The following ZBTB7C variants were observed in gnomAD, a reference collection of about 807,000 sequenced individuals.
ZBTB7C encodes zinc finger and BTB domain containing 7C, also known as zinc finger and BTB domain-containing protein 7C.
A neutral mutation model predicts 25.7 loss-of-function variants in ZBTB7C; 8 were observed. The observed-to-expected ratio is 0.31, with a 90% confidence interval of 0.18 to 0.56. The LOEUF is 0.56. Ranked by LOEUF, ZBTB7C falls within the 20% of genes least tolerant of loss-of-function variation. The pLI is 0.91. For synonymous variants in ZBTB7C, 394 were observed against 369.0 expected, an observed-to-expected ratio of 1.07 and a Z score of -0.78; for missense variants, 824 against 855.2, an observed-to-expected ratio of 0.96 and a Z score of 0.46.
At chr18:48,274,027 T>A (rs1414216656) in intron 2 of ZBTB7C, among the ~76,000 whole-genome samples, 1 of 152,196 alleles carries the variant, frequency 6.6e-6, no homozygotes, top group Non-Finnish European at 1.5e-5. Flanking sequence ...TTTGGTAAAG[T>A]TCATAGCATG....
At chr18:48,312,747 AGCCCAGCT>A in intron 2 of ZBTB7C, among the ~76,000 whole-genome samples, 1 of 152,198 alleles carries the variant, frequency 6.6e-6, no homozygotes, top group Non-Finnish European at 1.5e-5. Flanking sequence ...TGTCCCTAGA[AGCCCAGCT>A]GTCCCAGGCT....
chr18:48,361,360 A>G (rs1250820319), intron 1 of ZBTB7C, among the ~76,000 whole-genome samples: 1 of 152,186 alleles, frequency 6.6e-6, no homozygotes, highest in Non-Finnish European at 1.5e-5. Flanking sequence ...GAGTTCAGAG[A>G]GGGTAGGTAG....
chr18:48,226,675 G>A (rs1289423264), intron 2 of ZBTB7C, among the ~76,000 whole-genome samples: 1 of 152,216 alleles, frequency 6.6e-6, no homozygotes, highest in Admixed American at 6.5e-5. Context: ...CTGACAGCAT[G>A]ACTCTCTGGC....
chr18:48,037,236 C>T (rs2036011661), intron 4 of ZBTB7C, among the ~76,000 whole-genome samples: 1 of 152,238 alleles, frequency 6.6e-6, no homozygotes, highest in Non-Finnish European at 1.5e-5. Context: ...GCAGCTTCAG[C>T]TGGAGACAGG....
chr18:48,222,722 A>G (rs2042993174), intron 2 of ZBTB7C, among the ~76,000 whole-genome samples: 1 of 152,132 alleles, frequency 6.6e-6, no homozygotes, highest in Non-Finnish European at 1.5e-5. Context: ...TGTATGTATG[A>G]CTGATATGAG....
At chr18:48,343,557 T>A (rs2046654524) in intron 1 of ZBTB7C, among the ~76,000 whole-genome samples, 1 of 152,248 alleles carries the variant, frequency 6.6e-6, no homozygotes. Flanking sequence ...TTAAGAAATG[T>A]GGGCTCTGGA....
At chr18:48,038,947 C>A (rs1346667906) in intron 4 of ZBTB7C, among the ~76,000 whole-genome samples, 1 of 152,158 alleles carries the variant, frequency 6.6e-6, no homozygotes, top group African/African-American at 2.4e-5. Flanking sequence ...CACCAGGAAC[C>A]AGAGATAGCA....
At chr18:48,048,719 T>C (rs2036566885) in intron 3 of ZBTB7C, among the ~76,000 whole-genome samples, 1 of 152,118 alleles carries the variant, frequency 6.6e-6, no homozygotes, top group South Asian at 2.1e-4. Context: ...AGAAACCAAT[T>C]TGCCTTCTGC....
At chr18:48,182,296 G>A (rs1301906627) in intron 3 of ZBTB7C, among the ~76,000 whole-genome samples, 1 of 152,142 alleles carries the variant, frequency 6.6e-6, no homozygotes, top group Non-Finnish European at 1.5e-5. Flanking sequence ...ACATGAAGGA[G>A]AACTGAAAGA....
At chr18:48,398,651 A>T (rs979289509) in intron 1 of ZBTB7C, among the ~76,000 whole-genome samples, 43 of 152,034 alleles carry the variant, frequency 2.8e-4, no homozygotes, top group African/African-American at 1.0e-3. Context: ...CATCAAAGTC[A>T]CTGGCTTATC....
Position 48,200,018 on chromosome 18 carries a change from GTGTA to G in ZBTB7C, c.-78-14027_-78-14024del, listed in dbSNP as rs58454559. Among the ~76,000 whole-genome samples, 916 of 115,078 alleles carry G rather than the reference GTGTA, an allele frequency of 8.0e-3. 12 individuals carry two copies. The highest frequency in any genetic ancestry group is 0.026 in the African/African-American group (830 of 32,510). 75.5% of individuals were successfully genotyped at this position (115,078 alleles called of 152,430 possible). On this transcript the variant is annotated intron_variant, in intron 2 of 4. Coordinates refer to ENST00000590800, the MANE Select transcript of ZBTB7C (RefSeq NM_001318841.2). ...TGTGTGTGTGTGTGTGTGTGTGTGT[GTGTA>G]ATTTTTTTTTGACTCTTGGGCCAGT...
intron 2 of ZBTB7C, among the ~76,000 whole-genome samples, chr18:48,211,809 A>C (rs1412539965): frequency 6.6e-6 from 1 of 152,168 alleles, no homozygotes; most frequent in Non-Finnish European, 1.5e-5. Context: ...ACATAATCTT[A>C]CCATATGATC....
At chr18:48,231,434 T>C (rs1029834329) in intron 2 of ZBTB7C, among the ~76,000 whole-genome samples, 91 of 152,088 alleles carry the variant, frequency 6.0e-4, no homozygotes, top group African/African-American at 2.1e-3. Context: ...GAGAAAATAA[T>C]AGGATGAACT....
At chr18:48,179,869 C>T (rs1030563158) in intron 3 of ZBTB7C, among the ~76,000 whole-genome samples, 1 of 150,628 alleles carries the variant, frequency 6.6e-6, no homozygotes, top group African/African-American at 2.4e-5. Flanking sequence ...TCCTTCCCTC[C>T]CTCCCTTCCT....
intron 3 of ZBTB7C, among the ~76,000 whole-genome samples, chr18:48,133,083 CTGA>C (rs1321886040): frequency 6.6e-6 from 1 of 152,250 alleles, no homozygotes; most frequent in African/African-American, 2.4e-5. Flanking sequence ...CAGTTATTGA[CTGA>C]TGAATTACAG....
intron 1 of ZBTB7C, among the ~76,000 whole-genome samples, chr18:48,359,679 T>TA (rs2047058591): frequency 1.3e-5 from 2 of 152,208 alleles, no homozygotes; most frequent in Admixed American, 1.3e-4. Flanking sequence ...TTTGTGACTG[T>TA]AACAGGCTGT....
intron 1 of ZBTB7C, among the ~76,000 whole-genome samples, chr18:48,351,287 G>A (rs1598931109): frequency 6.6e-6 from 1 of 152,202 alleles, no homozygotes; most frequent in African/African-American, 2.4e-5. Flanking sequence ...CTTGAGGATT[G>A]CTGCCACTCA....
At chr18:48,049,537 T>G (rs2036602760) in intron 3 of ZBTB7C, among the ~76,000 whole-genome samples, 2 of 152,172 alleles carry the variant, frequency 1.3e-5, no homozygotes, top group Non-Finnish European at 2.9e-5. Flanking sequence ...GGGGATAGCT[T>G]TGAAATCACA....
At chr18:48,043,649 A>G (rs1033997692) in intron 3 of ZBTB7C, among the ~76,000 whole-genome samples, 2 of 152,166 alleles carry the variant, frequency 1.3e-5, no homozygotes, top group Admixed American at 1.3e-4. Flanking sequence ...TGTGATGGAA[A>G]TGTTCTGCAT....
Sources: gnomAD v4.1 joint callset for allele counts (sites outside exome capture counted in the v4.1 genomes callset) on GRCh38, gnomAD v4.1.1 for gene constraint, MANE v1.5 for transcripts, NCBI Gene and HGNC (gene_info 2026-07-23, HGNC 2026-07-21) for gene names.